The following VPS35L variants were observed in gnomAD, a reference collection of about 807,000 sequenced individuals.
VPS35L encodes VPS35 endosomal protein-sorting factor-like.
VPS35L carries 83 observed loss-of-function variants against 133.0 expected under a neutral mutation model. That is an observed-to-expected ratio of 0.62 (90% CI 0.52 to 0.75). The LOEUF (loss-of-function observed/expected upper bound fraction) is 0.75. VPS35L is among the 30% of genes least tolerant of loss of function. The probability of loss-of-function intolerance (pLI) is 0.00; values close to 1 mark genes in which losing one functional copy is unlikely to be tolerated. For synonymous variants in VPS35L, 423 were observed against 449.9 expected, an observed-to-expected ratio of 0.94 and a Z score of 0.76; for missense variants, 1,083 against 1,206.8, an observed-to-expected ratio of 0.90 and a Z score of 1.52.
chr16:19,636,777 C>A (rs16972278), intron 19 of VPS35L, among the ~76,000 whole-genome samples: 11,000 of 152,064 alleles, frequency 0.072, 882 homozygotes, highest in African/African-American at 0.19. Flanking sequence ...ATTTAGAAAC[C>A]GCATCTTCTT....
At chr16:19,691,652 G>GCCTCCCCCAGGGCTTCC (rs1975692547) in intron 29 of VPS35L, among the ~76,000 whole-genome samples, 181 bp downstream of exon 29, 1 of 152,048 alleles carries the variant, frequency 6.6e-6, no homozygotes, top group African/African-American at 2.4e-5. Flanking sequence ...CCTGGACTGC[G>GCCTCCCCCAGGGCTTCC]CCTCCCCCAG....
At chr16:19,649,410 G>GT (rs1460754274) in intron 24 of VPS35L, among the ~76,000 whole-genome samples, 2 of 152,122 alleles carry the variant, frequency 1.3e-5, no homozygotes, top group Non-Finnish European at 2.9e-5. Flanking sequence ...TACATTCACT[G>GT]TTTTTTACAT....
In VPS35L at chr16:19,563,164, C is replaced by T. The variant is rs78820669; in HGVS notation, c.18-1687C>T. Among the ~76,000 whole-genome samples the T allele has an allele frequency of 5.8e-3, 879 of 151,888 alleles. 11 individuals carry two copies. The highest frequency in any genetic ancestry group is 0.019 in the African/African-American group (805 of 41,424). ...AGATGAGCACAGAAGACACAGGGACCGTATCTTTAAAATGCTCAAAGAAGG... is the reference window on the plus strand; with the variant it reads ...AGATGAGCACAGAAGACACAGGGACTGTATCTTTAAAATGCTCAAAGAAGG... On this transcript the variant is annotated intron_variant, in intron 1 of 30. Coordinates refer to ENST00000417362, the MANE Select transcript of VPS35L (RefSeq NM_020314.7).
At chr16:19,624,206 C>T (rs1222654459) in intron 14 of VPS35L, among the ~76,000 whole-genome samples, 1 of 149,950 alleles carries the variant, frequency 6.7e-6, no homozygotes, top group African/African-American at 2.5e-5. Flanking sequence ...GCCTCCACCT[C>T]CTGGGCTCAA....
chr16:19,602,106 A>G (rs991487599), intron 9 of VPS35L, among the ~76,000 whole-genome samples: 1 of 152,226 alleles, frequency 6.6e-6, no homozygotes, highest in Non-Finnish European at 1.5e-5. Flanking sequence ...ATGATGTCAA[A>G]TAGATCAATA....
At chr16:19,576,552 A>C (rs535054538) in intron 5 of VPS35L, among the ~76,000 whole-genome samples, 110 of 152,020 alleles carry the variant, frequency 7.2e-4, no homozygotes, top group Non-Finnish European at 1.4e-3. Context: ...CAGAATTCCT[A>C]TTTTGATGCT....
At chr16:19,655,980 G>A (rs1545171) in intron 26 of VPS35L, among the ~76,000 whole-genome samples, 31,668 of 151,730 alleles carry the variant, frequency 0.21, 6,147 homozygotes, top group African/African-American at 0.51. Flanking sequence ...CGTGTTTTAC[G>A]GGCTAGGCGT....
chr16:19,578,872 T>C, intron 5 of VPS35L, 180 bp from the exon 6 acceptor site: 1 of 633,100 alleles, frequency 1.6e-6, no homozygotes, highest in Non-Finnish European at 2.9e-6. Flanking sequence ...AAGTGGGAAA[T>C]GTTTCGATGG....
intron 27 of VPS35L, among the ~76,000 whole-genome samples, chr16:19,674,302 G>A (rs1408304718): frequency 1.4e-5 from 2 of 138,890 alleles, no homozygotes; most frequent in Non-Finnish European, 1.5e-5. Flanking sequence ...AGCAATTCTC[G>A]TGCCTCAGTC....
At chr16:19,563,279 G>C (rs188125602) in intron 1 of VPS35L, among the ~76,000 whole-genome samples, 270 of 150,288 alleles carry the variant, frequency 1.8e-3, no homozygotes, top group African/African-American at 6.3e-3. Flanking sequence ...AGACCAGCCT[G>C]GGCAACATAG....
At chr16:19,568,410 G>GTT (rs5816057) in intron 2 of VPS35L, among the ~76,000 whole-genome samples, 1,485 of 139,772 alleles carry the variant, frequency 0.011, 13 homozygotes, top group Non-Finnish European at 0.014. Flanking sequence ...CATTTTTCAT[G>GTT]TTTTTTTTTT....
chr16:19,580,940 C>T lies in VPS35L; in HGVS notation c.511-585C>T, dbSNP rs143914766. Among the ~76,000 whole-genome samples the T allele has an allele frequency of 2.2e-3, 337 of 152,146 alleles. 1 individual carries two copies. Among genetic ancestry groups the T allele is most frequent in the African/African-American group, 7.2e-3 (297 of 41,508 alleles). Reference sequence around the variant, plus strand: ...AGCATATTTTTCTTCCTTAGTAGCCCGTGAAACAGTTGCGCTTTTTTCAAT... The same window carrying T: ...AGCATATTTTTCTTCCTTAGTAGCCTGTGAAACAGTTGCGCTTTTTTCAAT... On this transcript the variant is annotated intron_variant, in intron 6 of 30. Transcript: ENST00000417362.
chr16:19,621,983 T>C (rs6497391), intron 14 of VPS35L, among the ~76,000 whole-genome samples: 3,371 of 152,092 alleles, frequency 0.022, 146 homozygotes, highest in African/African-American at 0.078. Flanking sequence ...TGTGTGCATG[T>C]GTGTGTGCAC....
At chr16:19,605,105 G>C (rs980722708) in intron 9 of VPS35L, among the ~76,000 whole-genome samples, 1 of 152,154 alleles carries the variant, frequency 6.6e-6, no homozygotes, top group African/African-American at 2.4e-5. Flanking sequence ...TCCAGCACAT[G>C]CTAACTAAGA....
At chr16:19,677,663 G>C (rs1265443760) in intron 27 of VPS35L, among the ~76,000 whole-genome samples, 1 of 152,190 alleles carries the variant, frequency 6.6e-6, no homozygotes, top group Non-Finnish European at 1.5e-5. Flanking sequence ...GGGGATGCCC[G>C]AGCTGCTGGT....
chr16:19,667,751 A>C lies in VPS35L; in HGVS notation c.2222-1409A>C, dbSNP rs78109253. 2.3e-3 allele frequency among the ~76,000 whole-genome samples: 349 copies of C among 151,000 alleles called. 1 individual carries two copies. Among genetic ancestry groups the C allele is most frequent in the African/African-American group, 7.8e-3 (318 of 40,978 alleles). ...CCTGTCTGGAAAAAAAAAAAAAAAA[A>C]CCAGAAAAAAAAATAGTTGTTAATT... On this transcript the variant is annotated intron_variant, in intron 26 of 30. Coordinates refer to ENST00000417362, the MANE Select transcript of VPS35L (RefSeq NM_020314.7).
intron 8 of VPS35L, 119 bp from the exon 9 acceptor site, chr16:19,601,545 C>T: frequency 1.1e-6 from 1 of 930,410 alleles, no homozygotes; most frequent in Non-Finnish European, 1.6e-6. Flanking sequence ...GGCAGCATAC[C>T]ATCACAAGTT....
At chr16:19,690,961 CAAAAA>C (rs112601797) in intron 28 of VPS35L, among the ~76,000 whole-genome samples, 1 of 130,860 alleles carries the variant, frequency 7.6e-6, no homozygotes, top group South Asian at 2.4e-4. Flanking sequence ...GACTCCGTCT[CAAAAA>C]AAAAAAAAGA....
At chr16:19,642,225 A>G (rs1446700955) in intron 21 of VPS35L, among the ~76,000 whole-genome samples, 171 bp from the exon 22 acceptor site, 1 of 152,142 alleles carries the variant, frequency 6.6e-6, no homozygotes, top group Non-Finnish European at 1.5e-5. Flanking sequence ...TTTAAAAAAG[A>G]ATTCTGAGAC....
Sources: gnomAD v4.1 joint callset for allele counts (sites outside exome capture counted in the v4.1 genomes callset) on GRCh38, gnomAD v4.1.1 for gene constraint, MANE v1.5 for transcripts, NCBI Gene and HGNC (gene_info 2026-07-23, HGNC 2026-07-21) for gene names.